Variants in COX7B2 observed in about 807,000 individuals in gnomAD.
The protein encoded by COX7B2 is cytochrome c oxidase subunit 7B2, mitochondrial.
For synonymous variants in COX7B2, 37 were observed against 32.1 expected (o/e 1.15, Z -0.51); for missense variants, 109 against 95.9 (o/e 1.14, Z -0.57).
At chr4:46,760,752 T>C in intron 2 of COX7B2, among the ~76,000 whole-genome samples, 1 of 152,232 alleles carries the variant, frequency 6.6e-6, no homozygotes, top group East Asian at 1.9e-4. Context: ...ATAAAATTTC[T>C]GAAATATAAA....
intron 2 of COX7B2, among the ~76,000 whole-genome samples, chr4:46,781,679 G>A (rs1417529618): frequency 6.6e-6 from 1 of 152,206 alleles, no homozygotes; most frequent in African/African-American, 2.4e-5. Context: ...AGGTGTGGAA[G>A]GAGAGGGAAT....
rs1048636129 is a variant in COX7B2, at chr4:46,771,703, A to G, written c.-49-36462T>C. ...GGAGCATTTCAGATTCTCAGATTAG[A>G]GATACTCAACTGGTAAATATAATGC... is the stretch of plus-strand genomic sequence containing the variant. On this transcript the variant is annotated intron_variant, in intron 2 of 2. Coordinates refer to ENST00000355591, the MANE Select transcript of COX7B2 (RefSeq NM_130902.3). Among the ~76,000 whole-genome samples, 6 of 152,222 alleles carry G rather than the reference A, an allele frequency of 3.9e-5. No individual in the cohort carries two copies. In the East Asian group the frequency reaches 1.2e-3, roughly 29 times the overall value.
In COX7B2 at chr4:46,836,353, AT is replaced by A. The variant is rs74364172; in HGVS notation, c.-50+8606del. On this transcript the variant is annotated intron_variant, in intron 2 of 2. Transcript: ENST00000355591. The stretch of plus-strand genomic sequence containing the variant: ...ATACGTTTTTTTCTCTATTTAAAAA[AT>A]TTTTTTTTTATATTTTTTTAAAGTA... Among the ~76,000 whole-genome samples the A allele has an allele frequency of 7.8e-3, 1,172 of 150,726 alleles. 14 individuals are homozygous for A. The highest frequency in any genetic ancestry group is 0.021 in the African/African-American group (871 of 41,152).
At chr4:46,854,183 T>C (rs1716869878) in intron 1 of COX7B2, among the ~76,000 whole-genome samples, 1 of 152,174 alleles carries the variant, frequency 6.6e-6, no homozygotes, top group African/African-American at 2.4e-5. Context: ...ACATACAAGA[T>C]ATTAGGGTTC....
intron 1 of COX7B2, among the ~76,000 whole-genome samples, chr4:46,878,078 A>C (rs1186330551): frequency 1.3e-5 from 2 of 152,086 alleles, no homozygotes; most frequent in Non-Finnish European, 2.9e-5. Context: ...AAAAGGTAAT[A>C]ACTGCCATTT....
chr4:46,774,118 G>A (rs1211741928), intron 2 of COX7B2, among the ~76,000 whole-genome samples: 2 of 152,066 alleles, frequency 1.3e-5, no homozygotes, highest in Admixed American at 6.6e-5. Context: ...AGATGTTCAC[G>A]CTTTTGATAT....
At chr4:46,804,831 A>G (rs1718904450) in intron 2 of COX7B2, among the ~76,000 whole-genome samples, 1 of 152,100 alleles carries the variant, frequency 6.6e-6, no homozygotes, top group Non-Finnish European at 1.5e-5. Context: ...GTGTGCCTGC[A>G]CTCCTCAGCC....
chr4:46,872,539 T>C (rs953325528), intron 1 of COX7B2, among the ~76,000 whole-genome samples: 2 of 152,172 alleles, frequency 1.3e-5, no homozygotes, highest in Non-Finnish European at 2.9e-5. Flanking sequence ...AGCCAAGAAC[T>C]ATCCCAAGCT....
At chr4:46,845,068 C>G (rs1253354004) in intron 1 of COX7B2, 54 bp from the exon 2 acceptor site, 1 of 151,846 alleles carries the variant, frequency 6.6e-6, no homozygotes, top group Non-Finnish European at 1.5e-5. Flanking sequence ...AATGAAAAAG[C>G]CAGAGGTAAG....
chr4:46,899,628 T>C (rs1260327711), intron 1 of COX7B2, among the ~76,000 whole-genome samples: 2 of 152,198 alleles, frequency 1.3e-5, no homozygotes, highest in African/African-American at 4.8e-5. Context: ...CATGAGAAAG[T>C]ACAGATTCTT....
At position 46,881,600 on chromosome 4, in the gene COX7B2, T is replaced by TAA. The variant is rs202144834; in HGVS notation, c.-105+27558_-105+27559dup. 1.6e-4 allele frequency among the ~76,000 whole-genome samples: 24 copies of TAA among 145,948 alleles called. No individual in the cohort carries two copies. In the South Asian group the frequency reaches 2.2e-3, roughly 13 times the overall value. On this transcript the variant is annotated intron_variant, in intron 1 of 2. Coordinates refer to ENST00000355591, the MANE Select transcript of COX7B2 (RefSeq NM_130902.3). ...CAACATGGTGAAACCTCATCTCTAA[T>TAA]AAAAAAAAAAATACCAAAATTAGCC... is the stretch of plus-strand genomic sequence containing the variant.
intron 2 of COX7B2, among the ~76,000 whole-genome samples, chr4:46,828,514 A>G (rs1714844813): frequency 1.3e-5 from 2 of 152,144 alleles, no homozygotes; most frequent in Non-Finnish European, 2.9e-5. Context: ...GAAATAGTAA[A>G]AATTATATGT....
chr4:46,793,551 C>G (rs1285030629), intron 2 of COX7B2, among the ~76,000 whole-genome samples: 1 of 152,118 alleles, frequency 6.6e-6, no homozygotes, highest in African/African-American at 2.4e-5. Flanking sequence ...GCTGGTTGCT[C>G]CTAATGCTGC....
At chr4:46,815,313 A>G (rs1222211450) in intron 2 of COX7B2, among the ~76,000 whole-genome samples, 1 of 152,234 alleles carries the variant, frequency 6.6e-6, no homozygotes, top group Non-Finnish European at 1.5e-5. Flanking sequence ...ATTTTGTGAA[A>G]TAAGTATGAA....
intron 2 of COX7B2, among the ~76,000 whole-genome samples, chr4:46,775,680 G>A (rs959587196): frequency 1.6e-4 from 24 of 152,106 alleles, no homozygotes; most frequent in South Asian, 6.2e-4. Flanking sequence ...CTTCCATTAC[G>A]TATGATGTCT....
chr4:46,890,959 T>C (rs564129762), intron 1 of COX7B2, among the ~76,000 whole-genome samples: 25 of 152,108 alleles, frequency 1.6e-4, no homozygotes, highest in African/African-American at 6.0e-4. Flanking sequence ...ATGCAAGGGG[T>C]TGAAGGATAA....
At chr4:46,814,514 G>C (rs1356136588) in intron 2 of COX7B2, among the ~76,000 whole-genome samples, 29 of 151,492 alleles carry the variant, frequency 1.9e-4, no homozygotes. Flanking sequence ...CAAAAGAAAA[G>C]TTTACTTAGT....
At chr4:46,852,859 C>T (rs1716775782) in intron 1 of COX7B2, among the ~76,000 whole-genome samples, 1 of 152,054 alleles carries the variant, frequency 6.6e-6, no homozygotes, top group African/African-American at 2.4e-5. Flanking sequence ...CTTTTCTGTG[C>T]TTTGTGTTGC....
intron 1 of COX7B2, among the ~76,000 whole-genome samples, chr4:46,866,626 G>A (rs968803226): frequency 1.3e-5 from 2 of 152,212 alleles, no homozygotes; most frequent in South Asian, 4.1e-4. Context: ...GCAGCAATAG[G>A]ACTAGTGGCT....
Sources: allele counts gnomAD v4.1 joint callset (sites outside exome capture counted in the v4.1 genomes callset), GRCh38; gene constraint gnomAD v4.1.1; transcripts MANE v1.5; gene names NCBI Gene and HGNC (gene_info 2026-07-23, HGNC 2026-07-21).